ELOVL6: variants seen among roughly 807,000 people sequenced by gnomAD.
ELOVL6 encodes the protein very long chain fatty acid elongase 6.
In ELOVL6, 8 loss-of-function variants were observed where a neutral mutation model predicts 31.7. The ratio of observed to expected loss-of-function variants is 0.25; its 90% CI spans 0.15 to 0.45. The LOEUF is 0.45. Among genes scored for constraint, ELOVL6 ranks in the 20% least tolerant of loss-of-function variants. ELOVL6 has a pLI of 1.00. For missense variants in ELOVL6, 126 were observed against 326.4 expected (o/e 0.39, Z 4.73); for synonymous variants, 101 against 117.7 (o/e 0.86, Z 0.92).
chr4:110,118,378 A>G (rs1213340966), intron 1 of ELOVL6, among the ~76,000 whole-genome samples: 2 of 152,158 alleles, frequency 1.3e-5, no homozygotes, highest in Non-Finnish European at 2.9e-5. Flanking sequence ...TCATCTCTTT[A>G]TTAACCACTT....
intron 2 of ELOVL6, among the ~76,000 whole-genome samples, chr4:110,077,287 T>C (rs193194661): frequency 6.6e-6 from 1 of 152,106 alleles, no homozygotes; most frequent in East Asian, 1.9e-4. Flanking sequence ...GGACAGACTG[T>C]CTCCTCAAGT....
At chr4:110,180,719 T>C (rs1759247297) in intron 1 of ELOVL6, among the ~76,000 whole-genome samples, 1 of 152,226 alleles carries the variant, frequency 6.6e-6, no homozygotes, top group Non-Finnish European at 1.5e-5. Context: ...GCCTATACTT[T>C]GTTTTCTTAT....
At chr4:110,167,702 TA>T (rs1758819545) in intron 1 of ELOVL6, among the ~76,000 whole-genome samples, 1 of 150,088 alleles carries the variant, frequency 6.7e-6, no homozygotes, top group Non-Finnish European at 1.5e-5. Flanking sequence ...TGTATGTATG[TA>T]TGTATGTTTG....
intron 1 of ELOVL6, among the ~76,000 whole-genome samples, chr4:110,158,976 T>G (rs1417714857): frequency 1.3e-5 from 2 of 152,132 alleles, no homozygotes; most frequent in African/African-American, 4.8e-5. Context: ...ATTGGATTAC[T>G]AAGTTAAACA....
At chr4:110,089,119 C>T (rs1353507896) in intron 2 of ELOVL6, among the ~76,000 whole-genome samples, 2 of 152,128 alleles carry the variant, frequency 1.3e-5, no homozygotes, top group African/African-American at 4.8e-5. Flanking sequence ...GCAAATGTTA[C>T]TCCGACAGCT....
chr4:110,186,668 G>A (rs919190804), intron 1 of ELOVL6, among the ~76,000 whole-genome samples: 2 of 147,722 alleles, frequency 1.4e-5, no homozygotes, highest in African/African-American at 5.3e-5. Context: ...GTCGGGCATG[G>A]TGGCACGTGC....
At chr4:110,084,119 T>C (rs1395594786) in intron 2 of ELOVL6, among the ~76,000 whole-genome samples, 2 of 83,520 alleles carry the variant, frequency 2.4e-5, no homozygotes, top group Non-Finnish European at 3.9e-5. Flanking sequence ...ATGATATATA[T>C]AACATATATG....
chr4:110,129,221 TTC>T lies in ELOVL6; in HGVS notation c.90-23595_90-23594del, dbSNP rs549113824. Among the ~76,000 whole-genome samples, 354 of 152,330 alleles carry T rather than the reference TTC, an allele frequency of 2.3e-3. 2 individuals are homozygous for T. Among genetic ancestry groups the T allele is most frequent in the African/African-American group, 7.6e-3 (315 of 41,574 alleles). ...AAATAATTGTTATTGTTTTATATAT[TTC>T]TGTTATTGTTTTATATATTTCTCAA... On this transcript the variant is annotated intron_variant, in intron 1 of 3. Coordinates refer to ENST00000302274, the MANE Select transcript of ELOVL6 (RefSeq NM_024090.3).
chr4:110,061,484 A>T lies in ELOVL6; in HGVS notation c.222-1730T>A, dbSNP rs369743503. On this transcript the variant is annotated intron_variant, in intron 2 of 3. Coordinates refer to ENST00000302274, the MANE Select transcript of ELOVL6 (RefSeq NM_024090.3). ...GTTGATTTCATTAGTAGCATCAAGT[A>T]ATAGAGATTTTTCTGTCTTATCTGA... Among the ~76,000 whole-genome samples, 4 of 150,182 alleles carry T rather than the reference A, an allele frequency of 2.7e-5. No individual in the cohort carries two copies. The East Asian group carries it at 5.9e-4, about 22-fold the overall frequency.
In ELOVL6 at chr4:110,049,168, C is replaced by T. The variant is rs975893608; in HGVS notation, c.*2170G>A. 6.6e-6 allele frequency: 1 copy of T among 152,212 alleles called. No homozygotes were observed. The highest frequency in any genetic ancestry group is 2.4e-5 in the African/African-American group (1 of 41,456). 9.4% of individuals were successfully genotyped at this position (152,212 alleles called of 1,614,324 possible). The stretch of plus-strand genomic sequence containing the variant: ...CATCTATTAGCTCTTATAAAAGGAC[C>T]TGTCTTTTCAGCTCATGTCAGATTT... On this transcript the variant is annotated 3_prime_UTR_variant, in exon 4 of 4. Coordinates refer to ENST00000302274, the MANE Select transcript of ELOVL6 (RefSeq NM_024090.3).
At chr4:110,107,138 C>G (rs1337217911) in intron 1 of ELOVL6, among the ~76,000 whole-genome samples, 1 of 152,174 alleles carries the variant, frequency 6.6e-6, no homozygotes, top group Non-Finnish European at 1.5e-5. Flanking sequence ...GTAATGCTGA[C>G]TCATAAGGGA....
intron 2 of ELOVL6, among the ~76,000 whole-genome samples, chr4:110,101,614 G>A (rs62325357): frequency 0.15 from 22,992 of 151,914 alleles, 1,942 homozygotes; most frequent in African/African-American, 0.22. Context: ...CTTCTAAATT[G>A]CCAGTCCACA....
intron 2 of ELOVL6, among the ~76,000 whole-genome samples, chr4:110,100,552 T>C (rs1316632014): frequency 1.3e-5 from 2 of 152,136 alleles, no homozygotes; most frequent in African/African-American, 2.4e-5. Flanking sequence ...AGTTCATGAG[T>C]GAACAGTGTA....
At chr4:110,053,704 C>A (rs1241923041) in intron 3 of ELOVL6, among the ~76,000 whole-genome samples, 1 of 152,060 alleles carries the variant, frequency 6.6e-6, no homozygotes, top group African/African-American at 2.4e-5. Context: ...CTTTGGGAGC[C>A]CGAGGTGGGC....
chr4:110,179,429 C>T (rs1342462843), intron 1 of ELOVL6, among the ~76,000 whole-genome samples: 1 of 152,136 alleles, frequency 6.6e-6, no homozygotes, highest in Non-Finnish European at 1.5e-5. Flanking sequence ...TTGCTTGAAA[C>T]CGGGAGGCTG....
intron 1 of ELOVL6, among the ~76,000 whole-genome samples, chr4:110,179,585 A>C (rs1759212933): frequency 6.6e-6 from 1 of 152,228 alleles, no homozygotes; most frequent in Non-Finnish European, 1.5e-5. Context: ...TTTCATTTTC[A>C]CATGAAAAAA....
intron 1 of ELOVL6, among the ~76,000 whole-genome samples, chr4:110,156,963 A>G (rs1758445827): frequency 6.6e-6 from 1 of 152,244 alleles, no homozygotes; most frequent in Non-Finnish European, 1.5e-5. Flanking sequence ...CAAGGCTGGT[A>G]AAAGATGCAG....
At chr4:110,079,059 A>C (rs1191542922) in intron 2 of ELOVL6, among the ~76,000 whole-genome samples, 1 of 152,230 alleles carries the variant, frequency 6.6e-6, no homozygotes, top group Non-Finnish European at 1.5e-5. Flanking sequence ...ATATATATGC[A>C]CTCAATACAG....
chr4:110,182,729 A>G (rs576476917), intron 1 of ELOVL6, among the ~76,000 whole-genome samples: 1 of 152,110 alleles, frequency 6.6e-6, no homozygotes, highest in African/African-American at 2.4e-5. Flanking sequence ...ACCAACATGG[A>G]GAAACTCCGT....
Sources: gnomAD v4.1 joint callset for allele counts (sites outside exome capture counted in the v4.1 genomes callset) on GRCh38, gnomAD v4.1.1 for gene constraint, MANE v1.5 for transcripts, NCBI Gene and HGNC (gene_info 2026-07-23, HGNC 2026-07-21) for gene names.